The following AATF variants were observed in gnomAD, a reference collection of about 807,000 sequenced individuals.
AATF encodes protein AATF.
A neutral mutation model predicts 63.7 loss-of-function variants in AATF; 48 were observed. The ratio of observed to expected loss-of-function variants is 0.75; its 90% CI spans 0.60 to 0.96. AATF has a LOEUF of 0.96. Among genes scored for constraint, AATF ranks in the 40% least tolerant of loss-of-function variants. The probability of loss-of-function intolerance (pLI) is 0.00; values close to 1 mark genes in which losing one functional copy is unlikely to be tolerated. For synonymous variants in AATF, 258 were observed against 247.7 expected (o/e 1.04, Z -0.39); for missense variants, 639 against 685.7 (o/e 0.93, Z 0.76).
At chr17:36,990,065 G>A (rs1277620789) in intron 7 of AATF, among the ~76,000 whole-genome samples, 1 of 151,970 alleles carries the variant, frequency 6.6e-6, no homozygotes, top group South Asian at 2.1e-4. Context: ...TTTTCTATTT[G>A]TGTAACTATA....
chr17:37,030,864 T>A (rs1443589453), intron 10 of AATF, among the ~76,000 whole-genome samples: 3 of 152,180 alleles, frequency 2.0e-5, no homozygotes, highest in Non-Finnish European at 4.4e-5. Flanking sequence ...ATGGCTTTTG[T>A]GACATCTATT....
chr17:37,038,301 G>A (rs2071609140), intron 11 of AATF, among the ~76,000 whole-genome samples: 1 of 152,174 alleles, frequency 6.6e-6, no homozygotes, highest in African/African-American at 2.4e-5. Flanking sequence ...TTTGTTGTGT[G>A]GATGTAAGTC....
Position 37,022,106 on chromosome 17 carries a change from T to C in AATF, c.1547+1092T>C, listed in dbSNP as rs931680249. Among the ~76,000 whole-genome samples the C allele has an allele frequency of 2.6e-4, 36 of 139,314 alleles. No homozygotes were observed. In the Admixed American group the frequency reaches 2.7e-3, roughly 10 times the overall value. The allele number at this position is 139,314 out of a possible 152,430, so 91.4% of individuals were successfully genotyped here. On this transcript the variant is annotated intron_variant, in intron 10 of 11. Transcript: ENST00000619387. ...GACCTCGCTATACTTTTAGACTTGG[T>C]AACTGCCGTGTGTGTGTGTGTGTGT...
chr17:36,998,832 A>C (rs759251432), intron 8 of AATF: 1 of 152,268 alleles, frequency 6.6e-6, no homozygotes, highest in Non-Finnish European at 1.5e-5. Flanking sequence ...GTGAATATCT[A>C]TGCAGTCACA....
intron 10 of AATF, among the ~76,000 whole-genome samples, chr17:37,030,477 A>G (rs2071544032): frequency 1.3e-5 from 2 of 152,204 alleles, no homozygotes; most frequent in Non-Finnish European, 2.9e-5. Flanking sequence ...GAGAGGGCAC[A>G]TTATAATGAG....
Position 37,019,061 on chromosome 17 carries a change from G to A in AATF, c.1455G>A (p.Val485=), listed in dbSNP as rs1318381341. 2 of 1,614,076 alleles carry A rather than the reference G, an allele frequency of 1.2e-6. No individual in the cohort carries two copies. The highest frequency in any genetic ancestry group is 2.2e-5 in the South Asian group (2 of 91,082). The change falls in exon 9 of 12, where the codon GTG becomes GTA. Residue 485 remains valine (V), a synonymous_variant. Transcript: ENST00000619387. ...GCTCCTTGGATCCCAACGATCAGGT[G>A]GCCATGGGAAGGTAATTTAGATACA... The part of the protein sequence containing the change: ...KTSSLDPNDQ[V]AMGRQWLAIQ...
chr17:37,028,713 G>A (rs150937529), intron 10 of AATF, among the ~76,000 whole-genome samples: 70 of 152,230 alleles, frequency 4.6e-4, no homozygotes, highest in African/African-American at 1.6e-3. Context: ...CTGAACCTGC[G>A]AGTCAGAGGT....
chr17:37,030,711 GAAAGAC>G (rs2071545617), intron 10 of AATF, among the ~76,000 whole-genome samples: 1 of 152,160 alleles, frequency 6.6e-6, no homozygotes, highest in Non-Finnish European at 1.5e-5. Context: ...TGGGGGAAAT[GAAAGAC>G]CCCCTGGATC....
chr17:36,961,175 A>G (rs968610112), intron 4 of AATF, among the ~76,000 whole-genome samples: 7 of 152,196 alleles, frequency 4.6e-5, no homozygotes, highest in African/African-American at 1.7e-4. Context: ...GAGTTGAAGT[A>G]TTCCTTTTTA....
chr17:36,982,489 G>A (rs1296260111), intron 4 of AATF, among the ~76,000 whole-genome samples: 1 of 152,034 alleles, frequency 6.6e-6, no homozygotes, highest in Non-Finnish European at 1.5e-5. Context: ...GAGCAGCTGG[G>A]ACTACAGGCA....
chr17:36,995,602 C>G (rs1197077710), intron 8 of AATF, among the ~76,000 whole-genome samples: 1 of 152,148 alleles, frequency 6.6e-6, no homozygotes, highest in East Asian at 1.9e-4. Context: ...GGATCTCACT[C>G]TGTTGCCCAG....
chr17:37,021,183 A>G, intron 10 of AATF, 169 bp downstream of exon 10: 1 of 515,874 alleles, frequency 1.9e-6, no homozygotes, highest in Non-Finnish European at 3.3e-6. Flanking sequence ...CTTATTCTAA[A>G]ATGGAAATAT....
At chr17:37,052,026 T>C (rs989282854) in intron 11 of AATF, among the ~76,000 whole-genome samples, 1 of 152,148 alleles carries the variant, frequency 6.6e-6, no homozygotes, top group Admixed American at 6.6e-5. Context: ...CCAAGTCCTG[T>C]TAATTACTCC....
intron 11 of AATF, chr17:37,055,823 C>T (rs975935237): frequency 6.6e-6 from 1 of 152,298 alleles, no homozygotes; most frequent in Admixed American, 6.5e-5. Flanking sequence ...GGAGGATCTG[C>T]TCTGTATCCA....
intron 8 of AATF, among the ~76,000 whole-genome samples, chr17:37,011,380 C>CA (rs918204915): frequency 5.3e-5 from 8 of 150,180 alleles, no homozygotes; most frequent in African/African-American, 7.3e-5. Flanking sequence ...GCCTCAAAAA[C>CA]AAAAAAAAAG....
chr17:37,037,909 G>A (rs554093088), intron 11 of AATF, among the ~76,000 whole-genome samples: 2 of 152,248 alleles, frequency 1.3e-5, no homozygotes, highest in Non-Finnish European at 1.5e-5. Flanking sequence ...CTTCTCCCCT[G>A]TCCCCACTCT....
At chr17:36,968,271 T>TTTTTTTTTTTTTTTTTTTTCTTTTTTTC in intron 4 of AATF, among the ~76,000 whole-genome samples, 1 of 9,268 alleles carries the variant, frequency 1.1e-4, no homozygotes, top group Non-Finnish European at 2.5e-4. Context: ...TCCTTCTTTC[T>TTTTTTTTTTTTTTTTTTTTCTTTTTTTC]TTTTTTTTTT....
chr17:37,012,156 G>A (rs142360480), intron 8 of AATF, among the ~76,000 whole-genome samples: 396 of 151,930 alleles, frequency 2.6e-3, no homozygotes, highest in African/African-American at 9.1e-3. Context: ...GGGTTCAAGC[G>A]ATTTCTCCTG....
At position 37,045,110 on chromosome 17, in the gene AATF, G is replaced by A. The variant is rs554778316; in HGVS notation, c.1620-11491G>A. On this transcript the variant is annotated intron_variant, in intron 11 of 11. Coordinates refer to ENST00000619387, the MANE Select transcript of AATF (RefSeq NM_012138.4). Reference sequence around the variant, plus strand: ...ATATTTAGATCGAGGACCTTACCTCGTTAGACTTGGAGTTCAAGTTGCTGG... The same window carrying A: ...ATATTTAGATCGAGGACCTTACCTCATTAGACTTGGAGTTCAAGTTGCTGG... Among the ~76,000 whole-genome samples the A allele has an allele frequency of 7.9e-5, 12 of 152,252 alleles. No individual in the cohort carries two copies. In the East Asian group the frequency reaches 1.2e-3, roughly 15 times the overall value.
Sources: gnomAD v4.1 joint callset for allele counts (sites outside exome capture counted in the v4.1 genomes callset) on GRCh38, gnomAD v4.1.1 for gene constraint, MANE v1.5 for transcripts, NCBI Gene and HGNC (gene_info 2026-07-23, HGNC 2026-07-21) for gene names.